Variants in VIP observed in about 807,000 individuals in gnomAD.
VIP encodes the protein VIP peptides.
VIP carries 18 observed loss-of-function variants against 20.1 expected under a neutral mutation model. That is an observed-to-expected ratio of 0.90 (90% CI 0.62 to 1.33). VIP has a LOEUF of 1.33. Ranked by LOEUF, VIP falls within the 40% of genes most tolerant of loss-of-function variation. VIP has a pLI of 0.00. For missense variants in VIP, 209 were observed against 199.4 expected, an observed-to-expected ratio of 1.05 and a Z score of -0.29; for synonymous variants, 70 against 68.1, an observed-to-expected ratio of 1.03 and a Z score of -0.14.
Position 152,759,697 on chromosome 6 carries a change from C to T in VIP, c.*831C>T, listed in dbSNP as rs2099730950. 6.6e-6 allele frequency: 1 copy of T among 151,918 alleles called. No individual in the cohort carries two copies. The highest frequency in any genetic ancestry group is 2.4e-5 in the African/African-American group (1 of 41,384). The allele number at this position is 151,918 out of a possible 1,614,324, so 9.4% of individuals were successfully genotyped here. On this transcript the variant is annotated 3_prime_UTR_variant, in exon 7 of 7. Coordinates refer to ENST00000367244, the MANE Select transcript of VIP (RefSeq NM_003381.4). ...TGTGAAAGTACATTTGGAGACACAA[C>T]TATTTTTCCAAAATAATTTTAAGAA... is the stretch of plus-strand genomic sequence containing the variant.
chr6:152,750,905 G>A lies in VIP; in HGVS notation c.-65G>A, dbSNP rs1415059763. The A allele has an allele frequency of 1.3e-5, 2 of 152,190 alleles. No individual in the cohort carries two copies. Among genetic ancestry groups the A allele is most frequent in the Non-Finnish European group, 2.9e-5 (2 of 68,056 alleles). 9.4% of individuals were successfully genotyped at this position (152,190 alleles called of 1,614,324 possible). On this transcript the variant is annotated 5_prime_UTR_variant, in exon 1 of 7. Coordinates refer to ENST00000367244, the MANE Select transcript of VIP (RefSeq NM_003381.4). ...TTACTCCCAGGACTTCAGCACCTAA[G>A]ACAGCTCCAAAACAAACCAGAACAG...
Position 152,757,110 on chromosome 6 carries a change from C to G in VIP, c.482C>G (p.Ser161Cys). The G allele has an allele frequency of 6.2e-7, 1 of 1,611,868 alleles. No individual in the cohort carries two copies. The part of the protein sequence containing the change: ...LNGKRSSEGE[S>C]PDFPEELEK ...CTGGTCTGCAGCAGTGAGGGAGAAT[C>G]TCCCGACTTTCCAGAAGAGTTAGAA... is the stretch of plus-strand genomic sequence containing the variant. Residue 161 changes from serine (S) to cysteine (C), a missense_variant, in exon 6 of 7, where the codon TCT (serine) becomes TGT (cysteine). Transcript: ENST00000367244.
chr6:152,751,736 A>G (rs1464536864), intron 1 of VIP, among the ~76,000 whole-genome samples: 1 of 152,182 alleles, frequency 6.6e-6, no homozygotes, highest in Non-Finnish European at 1.5e-5. Context: ...CGAGCAGAAT[A>G]ATTATTAAAT....
chr6:152,757,196 C>G lies in VIP; in HGVS notation c.*43+12C>G, dbSNP rs1319021911. ...ACAACTTCCCAGTGGTGGGTATATT[C>G]GTGCATTCCTTCTGTATTCTTATGG... On this transcript the variant is annotated intron_variant, in intron 6 of 6. Coordinates refer to ENST00000367244, the MANE Select transcript of VIP (RefSeq NM_003381.4). 2.0e-6 allele frequency: 3 copies of G among 1,537,320 alleles called. No individual in the cohort carries two copies. The highest frequency in any genetic ancestry group is 1.4e-5 in the African/African-American group (1 of 72,972).
At chr6:152,755,688 T>A (rs2099730324) in intron 4 of VIP, among the ~76,000 whole-genome samples, 1 of 151,836 alleles carries the variant, frequency 6.6e-6, no homozygotes, top group Non-Finnish European at 1.5e-5. Context: ...GAGGTAAATT[T>A]TAAGGTCAAA....
At chr6:152,752,124 T>C (rs1388464588) in intron 1 of VIP, 44 bp from the exon 2 acceptor site, 5 of 1,427,692 alleles carry the variant, frequency 3.5e-6, no homozygotes, top group Non-Finnish European at 3.9e-6. Context: ...ACCTTGCTGG[T>C]GACATCTTTG....
chr6:152,754,274 T>G lies in VIP; in HGVS notation c.216T>G (p.Tyr72Ter). Residue 72 changes from tyrosine (Y) to a stop codon, truncating the protein, a stop_gained, in exon 3 of 7, where the codon TAT becomes TAG. Transcript: ENST00000367244. LOFTEE classifies it high-confidence loss of function. ...QNALAENDTPYYDVSRNARHA... is the reference protein window; with the variant it reads ...QNALAENDTP ...CATTAGCTGAAAATGACACACCCTATTATGATGTATCCAGGTGAGTTTATT... is the reference window on the plus strand; with the variant it reads ...CATTAGCTGAAAATGACACACCCTAGTATGATGTATCCAGGTGAGTTTATT... The G allele has an allele frequency of 6.2e-7, 1 of 1,609,672 alleles. No homozygotes were observed. The highest frequency in any genetic ancestry group is 1.1e-5 in the South Asian group (1 of 90,088).
chr6:152,753,129 T>G (rs1449621540), intron 2 of VIP, among the ~76,000 whole-genome samples: 1 of 152,178 alleles, frequency 6.6e-6, no homozygotes, highest in East Asian at 1.9e-4. Flanking sequence ...CTCTTAGCTA[T>G]TAGTGTTCTC....
At chr6:152,756,995 T>G (rs112364902) in intron 5 of VIP, 101 bp from the exon 6 acceptor site, 3 of 1,129,018 alleles carry the variant, frequency 2.7e-6, no homozygotes, top group South Asian at 3.2e-5. Flanking sequence ...CCATACACTT[T>G]CAGAGCACAG....
intron 4 of VIP, among the ~76,000 whole-genome samples, chr6:152,755,628 T>C (rs540862555): frequency 4.0e-4 from 61 of 151,896 alleles, no homozygotes; most frequent in Non-Finnish European, 8.1e-4. Flanking sequence ...CAATCTGCAA[T>C]CAAATTGAAC....
In VIP at chr6:152,756,811, C is replaced by T. The variant is rs147802296; in HGVS notation, c.468-285C>T. ...AGTGTAGTGTTCTGTCTTTTTATTC[C>T]AATTGTTTTTGTTTAAGTGATGAGT... is the stretch of plus-strand genomic sequence containing the variant. On this transcript the variant is annotated intron_variant, in intron 5 of 6. Transcript: ENST00000367244. Among the ~76,000 whole-genome samples the T allele has an allele frequency of 7.0e-3, 1,063 of 151,454 alleles. 12 individuals are homozygous for T. The highest frequency in any genetic ancestry group is 0.024 in the African/African-American group (997 of 41,308).
chr6:152,758,959 A>C lies in VIP; in HGVS notation c.*93A>C, dbSNP rs541334923. 1.3e-5 allele frequency: 2 copies of C among 152,470 alleles called. No homozygotes were observed. Among genetic ancestry groups the C allele is most frequent in the Non-Finnish European group, 2.9e-5 (2 of 67,948 alleles). 9.4% of individuals were successfully genotyped at this position (152,470 alleles called of 1,614,324 possible). A position where few individuals can be genotyped will look rare whatever the true frequency, so the allele number is the denominator to read the frequency against. On this transcript the variant is annotated 3_prime_UTR_variant, in exon 7 of 7. Transcript: ENST00000367244. ...AACATAATTAAATTTTGAGTTCTAC[A>C]TAAGTAATTCAAGAAAACAACTTCA...
chr6:152,755,842 C>T (rs1239847803), intron 4 of VIP, among the ~76,000 whole-genome samples: 1 of 151,248 alleles, frequency 6.6e-6, no homozygotes, highest in Non-Finnish European at 1.5e-5. Context: ...AAATTTCTCC[C>T]AATGGCAGAG....
chr6:152,755,513 T>G, intron 4 of VIP, 140 bp downstream of exon 4: 1 of 544,984 alleles, frequency 1.8e-6, no homozygotes. Context: ...ATGAAATAAC[T>G]TGTATTCTTC....
intron 2 of VIP, among the ~76,000 whole-genome samples, chr6:152,753,728 G>A (rs1398118575): frequency 6.6e-6 from 1 of 152,004 alleles, no homozygotes; most frequent in Non-Finnish European, 1.5e-5. Context: ...TTTGGAACAG[G>A]TAATACTGAA....
chr6:152,756,361 A>C (rs915448496), intron 5 of VIP, 96 bp downstream of exon 5: 1 of 1,357,088 alleles, frequency 7.4e-7, no homozygotes, highest in Non-Finnish European at 9.9e-7. Context: ...TTATCTAGCT[A>C]TACTACGTGA....
In VIP at chr6:152,752,212, T is replaced by G. The variant is rs1272200239; in HGVS notation, c.35T>G (p.Leu12Arg). 1 of 1,613,402 alleles carries G rather than the reference T, an allele frequency of 6.2e-7. No homozygotes were observed. The highest frequency in any genetic ancestry group is 1.3e-5 in the African/African-American group (1 of 74,876). ...DTRNKAQLLV[L>R]LTLLSVLFSQ... Reference sequence around the variant, plus strand: ...AGAAATAAGGCCCAGCTCCTTGTGCTCCTGACTCTTCTCAGTGTGCTCTTC... The same window carrying G: ...AGAAATAAGGCCCAGCTCCTTGTGCGCCTGACTCTTCTCAGTGTGCTCTTC... Residue 12 changes from leucine to arginine, a missense_variant, in exon 2 of 7, where the codon CTC becomes CGC. Physicochemically the swap from Leu to Arg is moderately radical, Grantham distance 102. Coordinates refer to ENST00000367244, the MANE Select transcript of VIP (RefSeq NM_003381.4).
intron 2 of VIP, among the ~76,000 whole-genome samples, chr6:152,752,756 G>A (rs1163436989): frequency 1.3e-5 from 2 of 151,952 alleles, no homozygotes. Context: ...AATCTATCTA[G>A]GCAGAGTCAA....
intron 6 of VIP, among the ~76,000 whole-genome samples, 181 bp downstream of exon 6, chr6:152,757,365 T>G (rs149081483): frequency 2.2e-4 from 33 of 152,032 alleles, no homozygotes; most frequent in Non-Finnish European, 4.1e-4. Flanking sequence ...GAATGATTCA[T>G]GAAATTTTTT....
Sources: allele counts gnomAD v4.1 joint callset (sites outside exome capture counted in the v4.1 genomes callset), GRCh38; gene constraint gnomAD v4.1.1; transcripts MANE v1.5; gene names NCBI Gene and HGNC (gene_info 2026-07-23, HGNC 2026-07-21).